Variants in TNKS2 observed in about 807,000 individuals in gnomAD.
TNKS2 encodes the protein tankyrase 2, also known as poly [ADP-ribose] polymerase tankyrase-2.
Under a neutral mutation model 137.6 loss-of-function variants are expected in TNKS2, and 72 were observed. The ratio of observed to expected loss-of-function variants is 0.52; its 90% CI spans 0.43 to 0.64. The LOEUF (loss-of-function observed/expected upper bound fraction) is 0.64. TNKS2 is among the 30% of genes least tolerant of loss of function. TNKS2 has a pLI of 0.00. For missense variants in TNKS2, 1,049 were observed against 1,410.2 expected, an observed-to-expected ratio of 0.74 and a Z score of 4.10; for synonymous variants, 516 against 512.1, an observed-to-expected ratio of 1.01 and a Z score of -0.10.
chr10:91,859,720 G>C (rs1589698733), intron 25 of TNKS2, 72 bp downstream of exon 25: 1 of 1,308,030 alleles, frequency 7.6e-7, no homozygotes, highest in Non-Finnish European at 1.1e-6. Context: ...TGAGGGCAAA[G>C]CATTATGTTG....
At chr10:91,858,913 A>G (rs899722939) in intron 24 of TNKS2, among the ~76,000 whole-genome samples, 4 of 152,060 alleles carry the variant, frequency 2.6e-5, no homozygotes, top group African/African-American at 9.7e-5. Flanking sequence ...GGAGGCTGAG[A>G]CAGGAGAATT....
In TNKS2 at chr10:91,842,432, T is replaced by C. The variant is rs540121814; in HGVS notation, c.2059+41T>C. 1.6e-5 allele frequency: 25 copies of C among 1,561,618 alleles called. No individual in the cohort carries two copies. The South Asian group carries it at 2.5e-4, about 16-fold the overall frequency. On this transcript the variant is annotated intron_variant, in intron 16 of 26. Coordinates refer to ENST00000371627, the MANE Select transcript of TNKS2 (RefSeq NM_025235.4). Reference sequence around the variant, plus strand: ...TTCACAGATTTAGGCTGGTAATATCTGAGATTCATTTTACCCAGGTAAAAT... The same window carrying C: ...TTCACAGATTTAGGCTGGTAATATCCGAGATTCATTTTACCCAGGTAAAAT...
intron 23 of TNKS2, among the ~76,000 whole-genome samples, 161 bp from the exon 24 acceptor site, chr10:91,857,264 G>T (rs74149305): frequency 6.6e-6 from 1 of 151,818 alleles, no homozygotes; most frequent in African/African-American, 2.4e-5. Context: ...CAATTTTATG[G>T]TTGGGACAAA....
intron 3 of TNKS2, among the ~76,000 whole-genome samples, chr10:91,817,725 C>T (rs1375675454): frequency 2.0e-5 from 3 of 152,140 alleles, no homozygotes; most frequent in Non-Finnish European, 4.4e-5. Flanking sequence ...GGATTCTAGG[C>T]ACACTCATTT....
At chr10:91,845,719 A>T in intron 17 of TNKS2, 33 bp from the exon 18 acceptor site, 1 of 1,416,346 alleles carries the variant, frequency 7.1e-7, no homozygotes, top group Non-Finnish European at 9.4e-7. Flanking sequence ...ACAAAATAAT[A>T]TTTCAGACTG....
In TNKS2 at chr10:91,814,904, T is replaced by C. The variant is rs1023683297; in HGVS notation, c.424+1697T>C. Among the ~76,000 whole-genome samples the C allele has an allele frequency of 5.3e-5, 8 of 152,340 alleles. No individual in the cohort carries two copies. In the South Asian group the frequency reaches 1.7e-3, roughly 32 times the overall value. On this transcript the variant is annotated intron_variant, in intron 2 of 26. Coordinates refer to ENST00000371627, the MANE Select transcript of TNKS2 (RefSeq NM_025235.4). The stretch of plus-strand genomic sequence containing the variant: ...TGACTGTATTTTATGAAGAGTAATC[T>C]GGTAGGGGACTGGGTAGGATGGATG...
intron 24 of TNKS2, among the ~76,000 whole-genome samples, chr10:91,857,877 CAGA>C (rs1842752824): frequency 6.6e-6 from 1 of 152,146 alleles, no homozygotes; most frequent in South Asian, 2.1e-4. Flanking sequence ...GGAATCACCT[CAGA>C]AGAAGGTGTA....
chr10:91,840,433 T>C (rs1306073669), intron 13 of TNKS2, 128 bp from the exon 14 acceptor site: 1 of 799,026 alleles, frequency 1.3e-6, no homozygotes, highest in African/African-American at 1.7e-5. Context: ...CTAAATAGTT[T>C]CTGAGAATAC....
At chr10:91,840,453 G>C in intron 13 of TNKS2, 108 bp from the exon 14 acceptor site, 1 of 979,604 alleles carries the variant, frequency 1.0e-6, no homozygotes, top group East Asian at 2.5e-5. Flanking sequence ...CTGATTTAAT[G>C]AGACAAGAAA....
chr10:91,829,165 AATAT>A (rs1564615491), intron 9 of TNKS2, among the ~76,000 whole-genome samples: 1 of 152,178 alleles, frequency 6.6e-6, no homozygotes, highest in African/African-American at 2.4e-5. Flanking sequence ...TTACTTACCT[AATAT>A]CTTTTATGAG....
intron 1 of TNKS2, among the ~76,000 whole-genome samples, chr10:91,806,286 G>C (rs1844324904): frequency 6.6e-6 from 1 of 152,088 alleles, no homozygotes; most frequent in Non-Finnish European, 1.5e-5. Context: ...TAGTTTACTG[G>C]AAAACATAAC....
At chr10:91,816,890 G>A (rs1844721067) in intron 2 of TNKS2, among the ~76,000 whole-genome samples, 1 of 152,064 alleles carries the variant, frequency 6.6e-6, no homozygotes. Context: ...TATATAAATA[G>A]CAAAGGAAAA....
intron 5 of TNKS2, 115 bp from the exon 6 acceptor site, chr10:91,819,824 C>G: frequency 1.2e-6 from 1 of 846,804 alleles, no homozygotes. Flanking sequence ...AAATTGATAA[C>G]TACTTAGCGA....
In TNKS2 at chr10:91,834,022, A is replaced by G. The variant is rs1403416838; in HGVS notation, c.1445A>G (p.Gln482Arg). The G allele has an allele frequency of 6.3e-7, 1 of 1,593,694 alleles. No individual in the cohort carries two copies. Among genetic ancestry groups the G allele is most frequent in the Non-Finnish European group, 8.5e-7 (1 of 1,172,462 alleles). The change falls in exon 12 of 27, where the codon CAA (glutamine) becomes CGA (arginine). Residue 482 changes from glutamine (Q) to arginine (R), a missense_variant and splice_region_variant. Coordinates refer to ENST00000371627, the MANE Select transcript of TNKS2 (RefSeq NM_025235.4). ...AATGAAAATGTACAGCAACTCCTCC[A>G]AGGTATTACATGCTTCAATGAAATT... The part of the protein sequence containing the change: ...MGNENVQQLL[Q>R]EGISLGNSEA...
At chr10:91,810,798 G>A (rs1454382188) in intron 1 of TNKS2, among the ~76,000 whole-genome samples, 4 of 151,262 alleles carry the variant, frequency 2.6e-5, no homozygotes, top group East Asian at 2.0e-4. Flanking sequence ...ATGAGCCACC[G>A]CACCCAGCCA....
At chr10:91,851,139 C>A (rs3758501) in intron 20 of TNKS2, 77 bp from the exon 21 acceptor site, 3 of 1,511,202 alleles carry the variant, frequency 2.0e-6, no homozygotes, top group East Asian at 2.3e-5. Context: ...GTGAATCTTA[C>A]ATATTATGAA....
intron 1 of TNKS2, among the ~76,000 whole-genome samples, chr10:91,803,759 A>G (rs1001327987): frequency 1.3e-5 from 2 of 152,246 alleles, no homozygotes; most frequent in Non-Finnish European, 2.9e-5. Context: ...CCCAGACTAC[A>G]GGAGCTTTGT....
At chr10:91,838,267 T>A (rs770648160) in intron 13 of TNKS2, among the ~76,000 whole-genome samples, 1 of 152,010 alleles carries the variant, frequency 6.6e-6, no homozygotes, top group African/African-American at 2.4e-5. Flanking sequence ...AGTAATGCCA[T>A]TGGATTCAGG....
chr10:91,852,996 A>G (rs979825317), intron 21 of TNKS2, among the ~76,000 whole-genome samples: 3 of 152,362 alleles, frequency 2.0e-5, no homozygotes, highest in Admixed American at 6.5e-5. Flanking sequence ...AAATATTAGT[A>G]TACAATATAA....
Sources: allele counts gnomAD v4.1 joint callset (sites outside exome capture counted in the v4.1 genomes callset), GRCh38; gene constraint gnomAD v4.1.1; transcripts MANE v1.5; gene names NCBI Gene and HGNC (gene_info 2026-07-23, HGNC 2026-07-21).